Variants in CAMK1G observed in about 807,000 individuals in gnomAD.
CAMK1G encodes calcium/calmodulin dependent protein kinase IG.
In CAMK1G, 27 loss-of-function variants were observed where a neutral mutation model predicts 54.8. The observed-to-expected ratio is 0.49, with a 90% confidence interval of 0.36 to 0.68. The LOEUF (loss-of-function observed/expected upper bound fraction) is 0.68. Ranked by LOEUF, CAMK1G falls within the 30% of genes least tolerant of loss-of-function variation. CAMK1G has a pLI of 0.00. For missense variants in CAMK1G, 512 were observed against 591.0 expected (o/e 0.87, Z 1.39); for synonymous variants, 238 against 224.9 (o/e 1.06, Z -0.52).
At chr1:209,593,354 G>A (rs1017442727) in intron 1 of CAMK1G, among the ~76,000 whole-genome samples, 26 of 152,174 alleles carry the variant, frequency 1.7e-4, no homozygotes, top group African/African-American at 6.0e-4. Flanking sequence ...GCAGCTATTA[G>A]GCATATTTTC....
chr1:209,598,037 G>A (rs147002227), intron 2 of CAMK1G, among the ~76,000 whole-genome samples: 1 of 152,316 alleles, frequency 6.6e-6, no homozygotes, highest in African/African-American at 2.4e-5. Flanking sequence ...TGAGGAAACT[G>A]GGAATATGGG....
chr1:209,587,278 A>G (rs1665127221), intron 1 of CAMK1G, among the ~76,000 whole-genome samples: 1 of 152,120 alleles, frequency 6.6e-6, no homozygotes, highest in African/African-American at 2.4e-5. Context: ...GACTGATGGC[A>G]GAGGGCTGCT....
intron 9 of CAMK1G, among the ~76,000 whole-genome samples, chr1:209,611,196 T>C (rs1665771518): frequency 6.6e-6 from 1 of 152,242 alleles, no homozygotes; most frequent in Non-Finnish European, 1.5e-5. Context: ...TAAAACCTTA[T>C]TTACAAAAAC....
chr1:209,613,305 G>A lies in CAMK1G; in HGVS notation c.*303G>A, dbSNP rs756434480. The A allele has an allele frequency of 1.4e-5, 3 of 207,848 alleles. No homozygotes were observed. The highest frequency in any genetic ancestry group is 1.1e-4 in the East Asian group (1 of 8,916). The allele number at this position is 207,848 out of a possible 1,614,324, so 12.9% of individuals were successfully genotyped here. A position where few individuals can be genotyped will look rare whatever the true frequency, so the allele number is the denominator to read the frequency against. On this transcript the variant is annotated 3_prime_UTR_variant, in exon 13 of 13. Coordinates refer to ENST00000361322, the MANE Select transcript of CAMK1G (RefSeq NM_020439.3). Reference sequence around the variant, plus strand: ...CTCTATGCCCCACACCCTACGTGCCGTGGCTCTGTGCAGTGTACGTAGATA... The same window carrying A: ...CTCTATGCCCCACACCCTACGTGCCATGGCTCTGTGCAGTGTACGTAGATA...
At chr1:209,601,066 G>C (rs759493217) in intron 3 of CAMK1G, among the ~76,000 whole-genome samples, 3 of 152,148 alleles carry the variant, frequency 2.0e-5, no homozygotes, top group Non-Finnish European at 4.4e-5. Flanking sequence ...TTATTCTGTG[G>C]GCAAAAAGAA....
At chr1:209,601,561 A>G (rs1665526994) in intron 3 of CAMK1G, among the ~76,000 whole-genome samples, 1 of 152,024 alleles carries the variant, frequency 6.6e-6, no homozygotes, top group South Asian at 2.1e-4. Context: ...GCAAAGAAAG[A>G]CTCTCAACTA....
At chr1:209,598,760 TG>T (rs1336808290) in intron 2 of CAMK1G, among the ~76,000 whole-genome samples, 1 of 152,236 alleles carries the variant, frequency 6.6e-6, no homozygotes, top group African/African-American at 2.4e-5. Flanking sequence ...TAAGTTTGAT[TG>T]TTTAACTTTT....
intron 8 of CAMK1G, 141 bp from the exon 9 acceptor site, chr1:209,609,710 T>C (rs980250388): frequency 4.9e-4 from 376 of 770,816 alleles, no homozygotes; most frequent in Non-Finnish European, 7.5e-4. Context: ...GGATTTTTTT[T>C]CCTCTTCTAA....
chr1:209,611,486 C>A lies in CAMK1G; in HGVS notation c.849C>A (p.Leu283=). ...ACAGGATTGACGGAAACACAGCCCT[C>A]CACCGGGACATCTACCCATCAGTCA... ...SHPWIDGNTA[L]HRDIYPSVSL... The change falls in exon 10 of 13, where the codon CTC becomes CTA. Residue 283 remains leucine (L), a synonymous_variant. Coordinates refer to ENST00000361322, the MANE Select transcript of CAMK1G (RefSeq NM_020439.3). 6.2e-7 allele frequency: 1 copy of A among 1,614,172 alleles called. No individual in the cohort carries two copies. The highest frequency in any genetic ancestry group is 8.5e-7 in the Non-Finnish European group (1 of 1,180,014).
intron 3 of CAMK1G, among the ~76,000 whole-genome samples, chr1:209,601,895 G>T (rs986287927): frequency 6.6e-6 from 1 of 152,322 alleles, no homozygotes; most frequent in East Asian, 1.9e-4. Context: ...TTTGAAAACT[G>T]GAATAAGCCA....
chr1:209,608,965 C>T lies in CAMK1G; in HGVS notation c.636-15C>T, dbSNP rs749981369. The T allele has an allele frequency of 6.2e-7, 1 of 1,613,928 alleles. No individual in the cohort carries two copies. The highest frequency in any genetic ancestry group is 1.1e-5 in the South Asian group (1 of 91,064). On this transcript the variant is annotated splice_polypyrimidine_tract_variant and intron_variant, in intron 7 of 12. Coordinates refer to ENST00000361322, the MANE Select transcript of CAMK1G (RefSeq NM_020439.3). ...GGTTTGTTCAGTAGTATGCCTCCTTCCTGTCCTGCTGCAGGCTCTGTGGAT... is the reference window on the plus strand; with the variant it reads ...GGTTTGTTCAGTAGTATGCCTCCTTTCTGTCCTGCTGCAGGCTCTGTGGAT...
At chr1:209,606,853 C>T (rs1353591442) in intron 6 of CAMK1G, among the ~76,000 whole-genome samples, 1 of 152,154 alleles carries the variant, frequency 6.6e-6, no homozygotes, top group Non-Finnish European at 1.5e-5. Flanking sequence ...TTCTTGGGAG[C>T]CTGGAAGCAC....
At chr1:209,595,096 G>A (rs746123121) in intron 2 of CAMK1G, 21 bp downstream of exon 2, 2 of 1,594,890 alleles carry the variant, frequency 1.3e-6, no homozygotes, top group African/African-American at 1.3e-5. Context: ...GGGCTGTGAG[G>A]TCGGGTGGGC....
intron 9 of CAMK1G, among the ~76,000 whole-genome samples, chr1:209,611,194 T>G (rs1665771457): frequency 1.3e-5 from 2 of 152,202 alleles, no homozygotes; most frequent in South Asian, 4.1e-4. Context: ...CATAAAACCT[T>G]ATTTACAAAA....
intron 2 of CAMK1G, among the ~76,000 whole-genome samples, chr1:209,598,433 T>C (rs1052731045): frequency 4.6e-5 from 7 of 152,352 alleles, no homozygotes; most frequent in Non-Finnish European, 8.8e-5. Flanking sequence ...CAGTGTGCCA[T>C]CCTGAGTCAC....
chr1:209,594,859 G>A (rs757894209), intron 1 of CAMK1G, 96 bp from the exon 2 acceptor site: 130 of 661,960 alleles, frequency 2.0e-4, no homozygotes, highest in Non-Finnish European at 2.1e-4. Context: ...GATAATTACA[G>A]AAAGATGTCA....
chr1:209,603,049 G>C (rs1008167849), intron 3 of CAMK1G, 165 bp from the exon 4 acceptor site: 6 of 163,950 alleles, frequency 3.7e-5, no homozygotes, highest in Non-Finnish European at 7.6e-5. Flanking sequence ...CTTTTCTCTG[G>C]GATTAATTTG....
At chr1:209,585,128 G>GGTGT (rs149329373) in intron 1 of CAMK1G, among the ~76,000 whole-genome samples, 2 of 150,766 alleles carry the variant, frequency 1.3e-5, no homozygotes, top group Non-Finnish European at 3.0e-5. Flanking sequence ...AGATTGCTCT[G>GGTGT]GTGTGTGTGT....
At chr1:209,612,256 C>T in intron 11 of CAMK1G, 40 bp downstream of exon 11, 1 of 1,601,530 alleles carries the variant, frequency 6.2e-7, no homozygotes, top group East Asian at 2.2e-5. Flanking sequence ...CAGCTTGGGT[C>T]TGAAAGAAAT....
Sources: allele counts gnomAD v4.1 joint callset (sites outside exome capture counted in the v4.1 genomes callset), GRCh38; gene constraint gnomAD v4.1.1; transcripts MANE v1.5; gene names NCBI Gene and HGNC (gene_info 2026-07-23, HGNC 2026-07-21).